CACNB4: variants seen among roughly 807,000 people sequenced by gnomAD.
CACNB4 encodes the protein voltage-dependent L-type calcium channel subunit beta-4.
CACNB4 carries 32 observed loss-of-function variants against 71.2 expected under a neutral mutation model. The ratio of observed to expected loss-of-function variants is 0.45; its 90% CI spans 0.34 to 0.60. The LOEUF (loss-of-function observed/expected upper bound fraction) is 0.60, where lower values mean the gene tolerates loss of function less well. Ranked by LOEUF, CACNB4 falls within the 20% of genes least tolerant of loss-of-function variation. CACNB4 has a pLI of 0.01. For missense variants in CACNB4, 464 were observed against 647.9 expected, an observed-to-expected ratio of 0.72 and a Z score of 3.08; for synonymous variants, 231 against 236.9, an observed-to-expected ratio of 0.97 and a Z score of 0.23.
chr2:151,921,326 C>G (rs575369866), intron 2 of CACNB4, among the ~76,000 whole-genome samples: 1 of 152,038 alleles, frequency 6.6e-6, no homozygotes, highest in African/African-American at 2.4e-5. Context: ...AATGGTGAAT[C>G]TTGGTTTAAA....
chr2:151,981,147 G>A (rs761333604), intron 2 of CACNB4, among the ~76,000 whole-genome samples: 2 of 152,170 alleles, frequency 1.3e-5, no homozygotes, highest in Non-Finnish European at 1.5e-5. Flanking sequence ...ACCTCTACCA[G>A]TGGGCGAATC....
At chr2:152,036,995 C>G (rs1684629356) in intron 2 of CACNB4, among the ~76,000 whole-genome samples, 1 of 152,196 alleles carries the variant, frequency 6.6e-6, no homozygotes, top group South Asian at 2.1e-4. Flanking sequence ...CTGAGCAGAA[C>G]TCTTATTTGG....
chr2:151,930,621 C>G (rs936374673), intron 2 of CACNB4, among the ~76,000 whole-genome samples: 3 of 152,104 alleles, frequency 2.0e-5, no homozygotes, highest in Non-Finnish European at 4.4e-5. Context: ...TGACACAACC[C>G]AGCAGAGGAT....
chr2:151,983,084 A>G (rs1242877225), intron 2 of CACNB4, among the ~76,000 whole-genome samples: 2 of 152,238 alleles, frequency 1.3e-5, no homozygotes, highest in African/African-American at 4.8e-5. Context: ...TGCTATGCAC[A>G]TGTTAGCCTG....
chr2:152,035,651 C>CTCTCTATATATATATA (rs796161186), intron 2 of CACNB4, among the ~76,000 whole-genome samples: 4 of 118,038 alleles, frequency 3.4e-5, no homozygotes, highest in African/African-American at 1.5e-4. Flanking sequence ...CTCTCTCTCT[C>CTCTCTATATATATATA]TATATATATA....
chr2:152,098,582 C>CCCCAACAAAA lies in CACNB4; in HGVS notation c.64-170_64-169insTTTTGTTGGG. ...AAATACAGCCCCCACCCCCACCCAC[C>CCCCAACAAAA]CACTGCAAGCCTCGACTGCTGAAAA... On this transcript the variant is annotated intron_variant, in intron 1 of 13. Transcript: ENST00000539935. The surrounding 1 kb of genome is among the most constrained non-coding windows in gnomAD (Gnocchi z 5.3). The CCCCAACAAAA allele has an allele frequency of 9.9e-7, 1 of 1,009,710 alleles. No homozygotes were observed. The highest frequency in any genetic ancestry group is 1.5e-6 in the Non-Finnish European group (1 of 651,340). The allele number at this position is 1,009,710 out of a possible 1,614,324, so 62.5% of individuals were successfully genotyped here. A position where few individuals can be genotyped will look rare whatever the true frequency, so the allele number is the denominator to read the frequency against.
At position 151,842,635 on chromosome 2, in the gene CACNB4, A is replaced by G. The variant is rs142279067; in HGVS notation, c.1117-547T>C. Among the ~76,000 whole-genome samples the G allele has an allele frequency of 7.2e-3, 1,089 of 152,160 alleles. 9 individuals carry two copies. Among genetic ancestry groups the G allele is most frequent in the African/African-American group, 0.025 (1,026 of 41,508 alleles). The stretch of plus-strand genomic sequence containing the variant: ...GGCATGAGCCACAGCGCCCAGCCGG[A>G]TTTTTCATTATTTAGAAAGAAAAAG... On this transcript the variant is annotated intron_variant, in intron 12 of 13. Transcript: ENST00000539935.
chr2:151,963,311 CAAAAAA>C (rs71410446), intron 2 of CACNB4, among the ~76,000 whole-genome samples: 5 of 60,400 alleles, frequency 8.3e-5, no homozygotes, highest in Non-Finnish European at 1.3e-4. Context: ...GACACCGTCT[CAAAAAA>C]AAAAAAAAAA....
intron 2 of CACNB4, among the ~76,000 whole-genome samples, chr2:151,974,838 G>T (rs2099873495): frequency 6.9e-6 from 1 of 144,964 alleles, no homozygotes; most frequent in Non-Finnish European, 1.5e-5. Flanking sequence ...AAAAAAAGCT[G>T]CAGCTTTGAA....
At chr2:151,980,122 C>T (rs2099874461) in intron 2 of CACNB4, among the ~76,000 whole-genome samples, 1 of 152,114 alleles carries the variant, frequency 6.6e-6, no homozygotes, top group Non-Finnish European at 1.5e-5. Context: ...GTTTTTGCCT[C>T]CCAGGAGTTT....
chr2:152,063,673 A>C (rs1360262605), intron 2 of CACNB4, among the ~76,000 whole-genome samples: 3 of 152,210 alleles, frequency 2.0e-5, no homozygotes. Flanking sequence ...GACCAAAGCA[A>C]ACAACTTAAA....
chr2:151,869,846 C>T, intron 8 of CACNB4: 2 of 249,396 alleles, frequency 8.0e-6, no homozygotes, highest in Non-Finnish European at 1.5e-5. Context: ...CTACTATGTG[C>T]CACACATTGT....
intron 2 of CACNB4, among the ~76,000 whole-genome samples, chr2:151,942,395 G>A (rs1177660192): frequency 1.3e-5 from 2 of 149,108 alleles, no homozygotes; most frequent in East Asian, 3.8e-4. Context: ...GTAAGCTGAG[G>A]ATGTACATCA....
At chr2:152,055,095 G>A (rs562608349) in intron 2 of CACNB4, among the ~76,000 whole-genome samples, 16 of 152,184 alleles carry the variant, frequency 1.1e-4, no homozygotes, top group African/African-American at 2.6e-4. Context: ...CACCGTAACC[G>A]CTGCCTCCCA....
At chr2:152,067,392 G>GTT (rs1191203832) in intron 2 of CACNB4, among the ~76,000 whole-genome samples, 1 of 150,378 alleles carries the variant, frequency 6.6e-6, no homozygotes. Flanking sequence ...TGTGTGTGGG[G>GTT]GGGGGGGTGC....
intron 2 of CACNB4, among the ~76,000 whole-genome samples, chr2:151,920,984 A>G (rs944414615): frequency 5.9e-5 from 9 of 151,880 alleles, no homozygotes; most frequent in Admixed American, 5.2e-4. Context: ...TAAAAATACA[A>G]AAAGAAATTA....
intron 2 of CACNB4, chr2:151,974,067 G>C (rs2099873317): frequency 3.0e-6 from 2 of 670,046 alleles, no homozygotes; most frequent in African/African-American, 1.9e-5. Flanking sequence ...GCGCCTCGGA[G>C]CATCCTACCC....
chr2:152,055,128 C>G (rs2105309571), intron 2 of CACNB4, among the ~76,000 whole-genome samples: 1 of 152,292 alleles, frequency 6.6e-6, no homozygotes, highest in South Asian at 2.1e-4. Flanking sequence ...TCTCATGTCT[C>G]AGCCTCCCGA....
chr2:151,921,509 T>C (rs2099859018), intron 2 of CACNB4, among the ~76,000 whole-genome samples: 1 of 152,194 alleles, frequency 6.6e-6, no homozygotes, highest in Non-Finnish European at 1.5e-5. Flanking sequence ...AAGTCCAAAA[T>C]GTATCTCACT....
Sources: allele counts gnomAD v4.1 joint callset (sites outside exome capture counted in the v4.1 genomes callset), GRCh38; gene constraint gnomAD v4.1.1; non-coding constraint Gnocchi (gnomAD v3.1); transcripts MANE v1.5; gene names NCBI Gene and HGNC (gene_info 2026-07-23, HGNC 2026-07-21).